LARP1B: variants seen among roughly 807,000 people sequenced by gnomAD.
LARP1B encodes la-related protein 1B.
In LARP1B, 76 loss-of-function variants were observed where a neutral mutation model predicts 114.2. That is an observed-to-expected ratio of 0.67 (90% confidence interval 0.55 to 0.81). The LOEUF is 0.81. Ranked by LOEUF, LARP1B falls within the 30% of genes least tolerant of loss-of-function variation. The pLI, the probability that LARP1B is intolerant of heterozygous loss-of-function variation, is 0.00. For synonymous variants in LARP1B, 345 were observed against 348.0 expected, an observed-to-expected ratio of 0.99 and a Z score of 0.10; for missense variants, 1,014 against 1,075.8, an observed-to-expected ratio of 0.94 and a Z score of 0.80.
At chr4:128,090,927 AT>A in intron 5 of LARP1B, 73 bp from the exon 6 acceptor site, 1 of 1,173,924 alleles carries the variant, frequency 8.5e-7, no homozygotes, top group South Asian at 1.5e-5. Flanking sequence ...GGTGGCTATT[AT>A]GTTTTCATAA....
Position 128,209,959 on chromosome 4 carries a change from A to G in LARP1B, c.2651A>G (p.Asn884Ser), listed in dbSNP as rs765192874. The stretch of plus-strand genomic sequence containing the variant: ...CCTAATTCCTCTACAAAGCCACCAA[A>G]TGCTGCTAAACCTACATCTACCAGT... Reference protein sequence around the residue: ...LPPNSSTKPPNAAKPTSTSEL... With the variant: ...LPPNSSTKPPSAAKPTSTSEL... Residue 884 changes from asparagine to serine, a missense_variant, in exon 20 of 20, where the codon AAT becomes AGT. By Grantham distance (46) the Asn-to-Ser change is conservative. Coordinates refer to ENST00000326639, the MANE Select transcript of LARP1B (RefSeq NM_018078.4). 2.5e-6 allele frequency: 4 copies of G among 1,613,874 alleles called. No individual in the cohort carries two copies. In the African/African-American group the frequency reaches 4.0e-5, roughly 16 times the overall value.
At chr4:128,179,960 C>T (rs1219920280) in intron 15 of LARP1B, among the ~76,000 whole-genome samples, 1 of 151,368 alleles carries the variant, frequency 6.6e-6, no homozygotes, top group Non-Finnish European at 1.5e-5. Flanking sequence ...TGATTATTAG[C>T]AGGAATTTTT....
intron 15 of LARP1B, among the ~76,000 whole-genome samples, chr4:128,196,753 C>T (rs1754297795): frequency 6.6e-6 from 1 of 151,916 alleles, no homozygotes; most frequent in South Asian, 2.1e-4. Context: ...TTTGTAGCAG[C>T]ATTATTCATG....
At chr4:128,190,749 T>C (rs950793847) in intron 15 of LARP1B, among the ~76,000 whole-genome samples, 2 of 152,180 alleles carry the variant, frequency 1.3e-5, no homozygotes, top group Non-Finnish European at 2.9e-5. Context: ...CCACTTTCCC[T>C]CATAAATTAC....
Position 128,166,991 on chromosome 4 carries a change from T to TACAC in LARP1B, c.1648+4675_1648+4676insCACA, listed in dbSNP as rs1468086330. Among the ~76,000 whole-genome samples, 12 of 138,428 alleles carry TACAC rather than the reference T, an allele frequency of 8.7e-5. No homozygotes were observed. The East Asian group carries it at 1.5e-3, about 17-fold the overall frequency. 90.8% of individuals were successfully genotyped at this position (138,428 alleles called of 152,430 possible). On this transcript the variant is annotated intron_variant, in intron 12 of 19. Transcript: ENST00000326639. The stretch of plus-strand genomic sequence containing the variant: ...CTCTCTATATATATATATATATATA[T>TACAC]ATACACACACACATATATATACATA...
chr4:128,099,966 G>C (rs1026827937), intron 8 of LARP1B, among the ~76,000 whole-genome samples: 2 of 151,308 alleles, frequency 1.3e-5, no homozygotes, highest in East Asian at 3.9e-4. Flanking sequence ...TTATTTTTTT[G>C]GGACAAAGTT....
At chr4:128,163,658 T>C (rs62334633) in intron 12 of LARP1B, among the ~76,000 whole-genome samples, 25,763 of 152,160 alleles carry the variant, frequency 0.17, 2,784 homozygotes, top group Middle Eastern at 0.29. Flanking sequence ...AAGTACTAGC[T>C]GGTTCCTTAA....
Position 128,064,271 on chromosome 4 carries a change from C to CAAA in LARP1B, c.-78+2887_-78+2889dup, listed in dbSNP as rs10679400. ...TGGGTGACAGAGCAAGACTCAGTCTCAAAAAAAAAAAAAAAAAAAGTACGG... is the reference window on the plus strand; with the variant it reads ...TGGGTGACAGAGCAAGACTCAGTCTCAAAAAAAAAAAAAAAAAAAAAAGTACGG... On this transcript the variant is annotated intron_variant, in intron 1 of 19. Transcript: ENST00000326639. Among the ~76,000 whole-genome samples, 54 of 79,562 alleles carry CAAA rather than the reference C, an allele frequency of 6.8e-4. 5 individuals carry two copies. Among genetic ancestry groups the CAAA allele is most frequent in the African/African-American group, 2.4e-3 (47 of 19,534 alleles). 52.2% of individuals were successfully genotyped at this position (79,562 alleles called of 152,430 possible).
chr4:128,119,236 C>T (rs1392936719), intron 10 of LARP1B, among the ~76,000 whole-genome samples: 1 of 152,126 alleles, frequency 6.6e-6, no homozygotes, highest in Non-Finnish European at 1.5e-5. Flanking sequence ...GACACCTAGG[C>T]AGAGAATAGG....
intron 5 of LARP1B, among the ~76,000 whole-genome samples, chr4:128,083,028 A>G (rs1436423388): frequency 6.6e-6 from 1 of 151,956 alleles, no homozygotes; most frequent in Non-Finnish European, 1.5e-5. Flanking sequence ...CTTAACGAGC[A>G]TGCTGCCTTC....
rs1758936437 is a variant in LARP1B, at chr4:128,211,252, C to T, written c.*1199C>T. Reference sequence around the variant, plus strand: ...GAATGAAGTTTCAATTATAAACTTACATTCACTTTATTGAGCACTACATAA... The same window carrying T: ...GAATGAAGTTTCAATTATAAACTTATATTCACTTTATTGAGCACTACATAA... On this transcript the variant is annotated 3_prime_UTR_variant, in exon 20 of 20. Coordinates refer to ENST00000326639, the MANE Select transcript of LARP1B (RefSeq NM_018078.4). The T allele has an allele frequency of 7.3e-6, 7 of 952,830 alleles. No homozygotes were observed. The highest frequency in any genetic ancestry group is 3.5e-5 in the African/African-American group (2 of 56,594). 59.0% of individuals were successfully genotyped at this position (952,830 alleles called of 1,614,324 possible). A position where few individuals can be genotyped will look rare whatever the true frequency, so the allele number is the denominator to read the frequency against.
intron 5 of LARP1B, 87 bp downstream of exon 5, chr4:128,082,392 T>TG: frequency 8.3e-7 from 1 of 1,210,372 alleles, no homozygotes; most frequent in Non-Finnish European, 1.2e-6. Context: ...ATAAACCATT[T>TG]GAGAATAAGT....
chr4:128,159,189 A>T (rs184540920), intron 11 of LARP1B, among the ~76,000 whole-genome samples: 8 of 152,134 alleles, frequency 5.3e-5, no homozygotes, highest in African/African-American at 1.9e-4. Context: ...AAAAAAAAAA[A>T]AAGGAAATAT....
chr4:128,111,004 G>C (rs1378762894), intron 9 of LARP1B, among the ~76,000 whole-genome samples: 2 of 151,404 alleles, frequency 1.3e-5, no homozygotes, highest in Non-Finnish European at 2.9e-5. Context: ...GAGCCCAGGA[G>C]TTCCAAGGCC....
chr4:128,220,737 T>C (rs1303905859), intron 7 of LARP1B, among the ~76,000 whole-genome samples: 1 of 152,200 alleles, frequency 6.6e-6, no homozygotes, highest in African/African-American at 2.4e-5. Flanking sequence ...TCTTGAGATG[T>C]GAACAAAGCA....
chr4:128,211,815 A>T lies in LARP1B; in HGVS notation c.*1762A>T, dbSNP rs1387248274. 2 of 800,912 alleles carry T rather than the reference A, an allele frequency of 2.5e-6. No individual in the cohort carries two copies. Among genetic ancestry groups the T allele is most frequent in the Non-Finnish European group, 3.0e-6 (2 of 661,812 alleles). 49.6% of individuals were successfully genotyped at this position (800,912 alleles called of 1,614,324 possible). On this transcript the variant is annotated 3_prime_UTR_variant, in exon 20 of 20. Coordinates refer to ENST00000326639, the MANE Select transcript of LARP1B (RefSeq NM_018078.4). ...AACTGAATATACAAGTGTAAATTTG[A>T]TTGGAAAATTGTATATTATAAATGA...
At chr4:128,166,930 TTCTC>T (rs56916317) in intron 12 of LARP1B, among the ~76,000 whole-genome samples, 9,517 of 102,334 alleles carry the variant, frequency 0.093, 546 homozygotes, top group Non-Finnish European at 0.13. Context: ...TTATATTCTA[TTCTC>T]TCTCTCTCTC....
intron 1 of LARP1B, among the ~76,000 whole-genome samples, chr4:128,073,589 T>TGTTTG (rs1561056944): frequency 1.0e-4 from 4 of 38,362 alleles, no homozygotes; most frequent in Non-Finnish European, 1.6e-4. Context: ...TTTTTTTTTT[T>TGTTTG]TTTTTTTTTT....
At chr4:128,098,747 G>GTGTGTATATATATATATA in intron 8 of LARP1B, among the ~76,000 whole-genome samples, 243 of 15,566 alleles carry the variant, frequency 0.016, 58 homozygotes, top group Middle Eastern at 0.1. Context: ...ATATGTATGT[G>GTGTGTATATATATATATA]TATATATATA....
Sources: allele counts gnomAD v4.1 joint callset (sites outside exome capture counted in the v4.1 genomes callset), GRCh38; gene constraint gnomAD v4.1.1; transcripts MANE v1.5; gene names NCBI Gene and HGNC (gene_info 2026-07-23, HGNC 2026-07-21).